Variants in NDUFA9 observed in about 807,000 individuals in gnomAD.
The protein encoded by NDUFA9 is NADH dehydrogenase [ubiquinone] 1 alpha subcomplex subunit 9, mitochondrial.
NDUFA9 carries 23 observed loss-of-function variants against 45.9 expected under a neutral mutation model. The ratio of observed to expected loss-of-function variants is 0.50; its 90% CI spans 0.36 to 0.71. The LOEUF (loss-of-function observed/expected upper bound fraction) is 0.71. Ranked by LOEUF, NDUFA9 falls within the 30% of genes least tolerant of loss-of-function variation. The pLI, the probability that NDUFA9 is intolerant of heterozygous loss-of-function variation, is 0.00. For missense variants in NDUFA9, 466 were observed against 488.2 expected (o/e 0.95, Z 0.43); for synonymous variants, 176 against 170.5 (o/e 1.03, Z -0.25).
chr12:4,680,423 CTG>C (rs970925557), intron 8 of NDUFA9, among the ~76,000 whole-genome samples: 22 of 152,114 alleles, frequency 1.4e-4, no homozygotes, highest in African/African-American at 5.1e-4. Flanking sequence ...AGAGGAATAA[CTG>C]TGATGCTGAG....
intron 3 of NDUFA9, chr12:4,657,141 T>C (rs1945795200): frequency 6.6e-6 from 1 of 152,450 alleles, no homozygotes; most frequent in Non-Finnish European, 1.5e-5. Flanking sequence ...GAAATGCTTA[T>C]AGAAACCTGC....
chr12:4,658,736 TAAAA>T (rs557500762), intron 4 of NDUFA9, among the ~76,000 whole-genome samples: 86 of 152,258 alleles, frequency 5.6e-4, no homozygotes, highest in African/African-American at 2.0e-3. Context: ...AATTTTAGCT[TAAAA>T]AAATTAAAAA....
chr12:4,657,995 CT>C (rs1945801585), intron 4 of NDUFA9, among the ~76,000 whole-genome samples, 156 bp downstream of exon 4: 1 of 152,166 alleles, frequency 6.6e-6, no homozygotes, highest in Non-Finnish European at 1.5e-5. Flanking sequence ...AGTGACACCC[CT>C]GAGGAGATGT....
At chr12:4,676,081 A>C (rs1945918098) in intron 8 of NDUFA9, among the ~76,000 whole-genome samples, 1 of 152,248 alleles carries the variant, frequency 6.6e-6, no homozygotes, top group African/African-American at 2.4e-5. Flanking sequence ...CCTTCGACAA[A>C]ATTCAACAGC....
chr12:4,673,595 C>T (rs191535801), intron 8 of NDUFA9, among the ~76,000 whole-genome samples: 54 of 142,244 alleles, frequency 3.8e-4, no homozygotes, highest in African/African-American at 1.3e-3. Context: ...AAGATTAACT[C>T]AACGAAATAA....
Position 4,687,318 on chromosome 12 carries a change from A to C in NDUFA9, c.*210A>C, listed in dbSNP as rs1945994023. ...GCATGATTTTTGTTAAACATATTTA[A>C]TAATGATATATATACTATTTATTCT... is the stretch of plus-strand genomic sequence containing the variant. On this transcript the variant is annotated 3_prime_UTR_variant, in exon 11 of 11. Coordinates refer to ENST00000266544, the MANE Select transcript of NDUFA9 (RefSeq NM_005002.5). The C allele has an allele frequency of 2.1e-6, 1 of 472,072 alleles. No individual in the cohort carries two copies. Among genetic ancestry groups the C allele is most frequent in the South Asian group, 3.5e-5 (1 of 28,632 alleles). 29.2% of individuals were successfully genotyped at this position (472,072 alleles called of 1,614,324 possible). A position where few individuals can be genotyped will look rare whatever the true frequency, so the allele number is the denominator to read the frequency against.
intron 5 of NDUFA9, 45 bp from the exon 6 acceptor site, chr12:4,662,488 C>A: frequency 7.0e-7 from 1 of 1,428,780 alleles, no homozygotes; most frequent in South Asian, 1.2e-5. Flanking sequence ...ATGCTTTATT[C>A]ACTTGTCTCT....
chr12:4,665,090 T>A (rs1013122207), intron 6 of NDUFA9, among the ~76,000 whole-genome samples: 1 of 152,330 alleles, frequency 6.6e-6, no homozygotes, highest in African/African-American at 2.4e-5. Flanking sequence ...CTTTGGAGTT[T>A]AGAGTCTTGA....
At chr12:4,685,794 C>A (rs1440642807) in intron 10 of NDUFA9, among the ~76,000 whole-genome samples, 1 of 152,238 alleles carries the variant, frequency 6.6e-6, no homozygotes, top group Non-Finnish European at 1.5e-5. Context: ...TCTCCAGTCT[C>A]CTTGCTGCCA....
Position 4,656,989 on chromosome 12 carries a change from T to C in NDUFA9, c.319-759T>C, listed in dbSNP as rs953584908. Among the ~76,000 whole-genome samples the C allele has an allele frequency of 1.4e-4, 21 of 152,244 alleles. 1 individual carries two copies. The highest frequency in any genetic ancestry group is 2.9e-5 in the Non-Finnish European group (2 of 68,040). On this transcript the variant is annotated intron_variant, in intron 3 of 10. Transcript: ENST00000266544. ...TTCTCTTTCCTAAATTAAACAGACA[T>C]CCTAGTTCTCTCTCTTTCTCTTTCA... is the stretch of plus-strand genomic sequence containing the variant.
intron 5 of NDUFA9, among the ~76,000 whole-genome samples, chr12:4,661,858 G>C (rs1441077615): frequency 6.6e-6 from 1 of 151,992 alleles, no homozygotes; most frequent in Non-Finnish European, 1.5e-5. Flanking sequence ...TGTTGATACA[G>C]TAGGTGGTGT....
chr12:4,659,160 A>G lies in NDUFA9; in HGVS notation c.535A>G (p.Arg179Gly). ...HLNANIKSSS[R>G]YLRNKAVGEK... ...GAATGCGAATATTAAAAGCTCTTCT[A>G]GATATTTGAGAAATAAGGTAAGTAA... Residue 179 changes from arginine to glycine, a missense_variant, in exon 5 of 11, where the codon AGA becomes GGA. Coordinates refer to ENST00000266544, the MANE Select transcript of NDUFA9 (RefSeq NM_005002.5). The G allele has an allele frequency of 1.2e-6, 2 of 1,611,448 alleles. No individual in the cohort carries two copies. The highest frequency in any genetic ancestry group is 1.7e-6 in the Non-Finnish European group (2 of 1,177,942).
chr12:4,665,663 G>A (rs571003891), intron 6 of NDUFA9, among the ~76,000 whole-genome samples: 1 of 151,724 alleles, frequency 6.6e-6, no homozygotes, highest in African/African-American at 2.4e-5. Flanking sequence ...GTATTCCACA[G>A]TGGCTGCACC....
intron 6 of NDUFA9, among the ~76,000 whole-genome samples, chr12:4,665,377 C>T (rs1945847190): frequency 6.6e-6 from 1 of 152,172 alleles, no homozygotes; most frequent in South Asian, 2.1e-4. Flanking sequence ...GCATAATATG[C>T]TCAAGGTGCA....
At chr12:4,677,817 T>C (rs1945929223) in intron 8 of NDUFA9, among the ~76,000 whole-genome samples, 1 of 152,238 alleles carries the variant, frequency 6.6e-6, no homozygotes, top group Non-Finnish European at 1.5e-5. Flanking sequence ...TAAATTATTC[T>C]AGTATAAAGC....
chr12:4,654,688 T>A, intron 2 of NDUFA9, 137 bp from the exon 3 acceptor site: 1 of 939,568 alleles, frequency 1.1e-6, no homozygotes, highest in Non-Finnish European at 1.6e-6. Context: ...ATCTTTAGCA[T>A]GGCAAAATAT....
rs749771150 is a variant in NDUFA9, at chr12:4,691,088, C to G, written c.*3980C>G. On this transcript the variant is annotated 3_prime_UTR_variant, in exon 11 of 11. Transcript: ENST00000266544. ...GATTTGGCTTCGAATATGAGTTCCA[C>G]TACTTCTTAGTTGTGAGATTGGACA... The G allele has an allele frequency of 1.2e-4, 19 of 152,300 alleles. No individual in the cohort carries two copies. Among genetic ancestry groups the G allele is most frequent in the Non-Finnish European group, 2.6e-4 (18 of 68,050 alleles). 9.4% of individuals were successfully genotyped at this position (152,300 alleles called of 1,614,324 possible). A position where few individuals can be genotyped will look rare whatever the true frequency, so the allele number is the denominator to read the frequency against.
intron 8 of NDUFA9, among the ~76,000 whole-genome samples, chr12:4,680,318 G>T (rs1005812863): frequency 1.3e-5 from 2 of 152,188 alleles, no homozygotes; most frequent in Admixed American, 1.3e-4. Context: ...TTCAGGCTCA[G>T]AGAAGGCACA....
In NDUFA9 at chr12:4,691,186, A is replaced by G. The variant is rs1473449406; in HGVS notation, c.*4078A>G. ...TGGGGGTGATAGTAATAACTACATG[A>G]TGGGATAGTGATGAGGAATTAAATG... On this transcript the variant is annotated 3_prime_UTR_variant, in exon 11 of 11. Coordinates refer to ENST00000266544, the MANE Select transcript of NDUFA9 (RefSeq NM_005002.5). 6.6e-6 allele frequency: 1 copy of G among 152,170 alleles called. No individual in the cohort carries two copies. The highest frequency in any genetic ancestry group is 1.5e-5 in the Non-Finnish European group (1 of 68,028). The allele number at this position is 152,170 out of a possible 1,614,324, so 9.4% of individuals were successfully genotyped here. A position where few individuals can be genotyped will look rare whatever the true frequency, so the allele number is the denominator to read the frequency against.
Sources: gnomAD v4.1 joint callset for allele counts (sites outside exome capture counted in the v4.1 genomes callset) on GRCh38, gnomAD v4.1.1 for gene constraint, MANE v1.5 for transcripts, NCBI Gene and HGNC (gene_info 2026-07-23, HGNC 2026-07-21) for gene names.